Variants in SPIDR observed in about 807,000 individuals in gnomAD.
The protein encoded by SPIDR is DNA repair-scaffolding protein.
SPIDR carries 93 observed loss-of-function variants against 104.6 expected under a neutral mutation model. That is an observed-to-expected ratio of 0.89 (90% CI 0.75 to 1.06). The LOEUF is 1.06. Ranked by LOEUF, SPIDR falls within the 50% of genes least tolerant of loss-of-function variation. SPIDR has a pLI of 0.00. For missense variants in SPIDR, 1,154 were observed against 1,111.2 expected (o/e 1.04, Z -0.55); for synonymous variants, 431 against 416.9 (o/e 1.03, Z -0.41).
chr8:47,518,311 C>T (rs2083463650), intron 8 of SPIDR, among the ~76,000 whole-genome samples: 1 of 152,172 alleles, frequency 6.6e-6, no homozygotes, highest in Admixed American at 6.5e-5. Context: ...ATTATAGAAC[C>T]TGCTGCTCCA....
chr8:47,309,158 A>G (rs1025498863), intron 5 of SPIDR, among the ~76,000 whole-genome samples: 4 of 152,210 alleles, frequency 2.6e-5, no homozygotes, highest in Admixed American at 6.5e-5. Context: ...ATATGCTTAT[A>G]TAAAAACTGA....
chr8:47,265,114 A>C (rs540495502), intron 1 of SPIDR, among the ~76,000 whole-genome samples: 2 of 150,826 alleles, frequency 1.3e-5, no homozygotes, highest in African/African-American at 4.9e-5. Flanking sequence ...TAAGGCCTTG[A>C]TAGTCTCATT....
At chr8:47,730,350 C>A (rs902411092) in intron 19 of SPIDR, among the ~76,000 whole-genome samples, 2 of 152,216 alleles carry the variant, frequency 1.3e-5, no homozygotes, top group African/African-American at 4.8e-5. Context: ...CATTTAAAAG[C>A]ACCACAAGTG....
chr8:47,449,142 AT>A (rs1346199999), intron 8 of SPIDR, among the ~76,000 whole-genome samples: 1 of 152,138 alleles, frequency 6.6e-6, no homozygotes, highest in Non-Finnish European at 1.5e-5. Flanking sequence ...TTTGGAATAT[AT>A]TTTGGAGTTA....
Position 47,371,067 on chromosome 8 carries a change from A to T in SPIDR, c.526-25309A>T, listed in dbSNP as rs564395969. 7.3e-5 allele frequency among the ~76,000 whole-genome samples: 11 copies of T among 150,962 alleles called. No homozygotes were observed. In the East Asian group the frequency reaches 2.0e-3, roughly 27 times the overall value. On this transcript the variant is annotated intron_variant, in intron 5 of 19. Transcript: ENST00000297423. ...TCCAAAGGCAGACTGTCTAGCCTAC[A>T]TGGCTTACAAGCAGCAGTGGGACTG...
At chr8:47,693,210 GA>G (rs1164457597) in intron 11 of SPIDR, among the ~76,000 whole-genome samples, 1 of 152,150 alleles carries the variant, frequency 6.6e-6, no homozygotes, top group Non-Finnish European at 1.5e-5. Flanking sequence ...GTATAAGGGT[GA>G]CATAAAAGTA....
intron 8 of SPIDR, among the ~76,000 whole-genome samples, chr8:47,461,925 T>A (rs534041316): frequency 6.6e-6 from 1 of 152,120 alleles, no homozygotes; most frequent in East Asian, 1.9e-4. Context: ...AAATCAGAGA[T>A]TTCTTCTTGG....
At chr8:47,290,658 A>T (rs1304057420) in intron 3 of SPIDR, among the ~76,000 whole-genome samples, 2 of 152,222 alleles carry the variant, frequency 1.3e-5, no homozygotes, top group African/African-American at 4.8e-5. Flanking sequence ...CCTGTTACTC[A>T]TAAGTTTTGA....
chr8:47,273,809 G>T (rs938108660), intron 1 of SPIDR, among the ~76,000 whole-genome samples: 41 of 152,102 alleles, frequency 2.7e-4, no homozygotes, highest in African/African-American at 9.7e-4. Flanking sequence ...GCACAGGCTG[G>T]TCTCAAATTC....
chr8:47,470,742 C>A (rs1564066002), intron 8 of SPIDR, among the ~76,000 whole-genome samples: 1 of 148,918 alleles, frequency 6.7e-6, no homozygotes, highest in African/African-American at 2.5e-5. Context: ...GACTAAAACT[C>A]TTTTTTTTTT....
In SPIDR at chr8:47,710,490, C is replaced by T. The variant is rs558960705; in HGVS notation, c.1978-2172C>T. Among the ~76,000 whole-genome samples the T allele has an allele frequency of 1.4e-4, 21 of 146,384 alleles. No homozygotes were observed. The South Asian group carries it at 1.7e-3, about 12-fold the overall frequency. On this transcript the variant is annotated intron_variant, in intron 14 of 19. Transcript: ENST00000297423. ...TTCACCTTTTTTTTTTTTTTTGAGA[C>T]GGAGTTTCGCTCTTGTTGCCCAGGC...
chr8:47,379,207 T>G (rs1011189966), intron 5 of SPIDR, among the ~76,000 whole-genome samples: 2 of 152,196 alleles, frequency 1.3e-5, no homozygotes, highest in East Asian at 3.8e-4. Context: ...TCCACAGGAA[T>G]GCCTGTGGGC....
chr8:47,651,539 G>A (rs2071630971), intron 10 of SPIDR, among the ~76,000 whole-genome samples: 1 of 152,152 alleles, frequency 6.6e-6, no homozygotes, highest in South Asian at 2.1e-4. Context: ...AAACAGTATG[G>A]AGATTCCTTA....
intron 5 of SPIDR, among the ~76,000 whole-genome samples, chr8:47,368,806 G>T (rs2057598314): frequency 1.3e-5 from 2 of 152,146 alleles, no homozygotes; most frequent in Non-Finnish European, 2.9e-5. Flanking sequence ...TAGCATCAAA[G>T]AATTCTGGGC....
rs374629533 is a variant in SPIDR at position 47,618,916 on chromosome 8, G to A, written c.1544+19720G>A. Among the ~76,000 whole-genome samples, 31 of 152,340 alleles carry A rather than the reference G, an allele frequency of 2.0e-4. 1 individual carries two copies. The highest frequency in any genetic ancestry group is 7.2e-4 in the African/African-American group (30 of 41,588). On this transcript the variant is annotated intron_variant, in intron 10 of 19. Coordinates refer to ENST00000297423, the MANE Select transcript of SPIDR (RefSeq NM_001080394.4). ...AACAAGGTCCAAAACAAGCACAAAA[G>A]TGTGTTACCATTTGGTTAAAACAAA... is the stretch of plus-strand genomic sequence containing the variant.
At chr8:47,603,492 C>T (rs987718357) in intron 10 of SPIDR, among the ~76,000 whole-genome samples, 2 of 151,804 alleles carry the variant, frequency 1.3e-5, no homozygotes, top group African/African-American at 2.4e-5. Flanking sequence ...CTCCTGGGCT[C>T]GAGCAGTCCT....
intron 8 of SPIDR, among the ~76,000 whole-genome samples, chr8:47,586,821 T>C (rs1379836408): frequency 6.6e-6 from 1 of 152,184 alleles, no homozygotes; most frequent in African/African-American, 2.4e-5. Context: ...CAGGCTGGAG[T>C]GCAGTGGCAA....
chr8:47,359,478 A>C (rs2055289920), intron 5 of SPIDR, among the ~76,000 whole-genome samples: 1 of 152,154 alleles, frequency 6.6e-6, no homozygotes, highest in Admixed American at 6.6e-5. Context: ...CAAAGGGGCA[A>C]AAAGGAAAAA....
intron 10 of SPIDR, among the ~76,000 whole-genome samples, chr8:47,639,536 C>T (rs1403101791): frequency 6.6e-6 from 1 of 152,010 alleles, no homozygotes; most frequent in African/African-American, 2.4e-5. Context: ...GTATGGCGTT[C>T]CTTTACCCTA....
Sources: allele counts gnomAD v4.1 joint callset (sites outside exome capture counted in the v4.1 genomes callset), GRCh38; gene constraint gnomAD v4.1.1; transcripts MANE v1.5; gene names NCBI Gene and HGNC (gene_info 2026-07-23, HGNC 2026-07-21).